The following AKAP6 variants were observed in gnomAD, a reference collection of about 807,000 sequenced individuals.
AKAP6 encodes A-kinase anchoring protein 6.
In AKAP6, 58 loss-of-function variants were observed where a neutral mutation model predicts 188.5. That is an observed-to-expected ratio of 0.31 (90% CI 0.25 to 0.38). AKAP6 has a LOEUF of 0.38. Among genes scored for constraint, AKAP6 ranks in the 10% least tolerant of loss-of-function variants. AKAP6 has a pLI of 1.00. For synonymous variants in AKAP6, 989 were observed against 998.6 expected, an observed-to-expected ratio of 0.99 and a Z score of 0.18; for missense variants, 2,710 against 2,740.0, an observed-to-expected ratio of 0.99 and a Z score of 0.24.
intron 1 of AKAP6, among the ~76,000 whole-genome samples, chr14:32,414,110 C>G (rs751909779): frequency 5.9e-5 from 9 of 151,806 alleles, no homozygotes; most frequent in African/African-American, 1.9e-4. Flanking sequence ...AGCTTGAGGT[C>G]GAGTAAGCCT....
At position 32,360,484 on chromosome 14, in the gene AKAP6, G is replaced by A. The variant is rs117112777; in HGVS notation, c.-35+31076G>A. Among the ~76,000 whole-genome samples the A allele has an allele frequency of 3.3e-5, 5 of 152,190 alleles. No homozygotes were observed. In the East Asian group the frequency reaches 9.7e-4, roughly 29 times the overall value. ...ATTGTAGCATTCATCAATAGATCTT[G>A]CCTGTAGCAATCACCTGTTATATTG... is the stretch of plus-strand genomic sequence containing the variant. On this transcript the variant is annotated intron_variant, in intron 1 of 13. Transcript: ENST00000280979.
chr14:32,754,911 A>G (rs890336951), intron 11 of AKAP6, among the ~76,000 whole-genome samples: 14 of 152,250 alleles, frequency 9.2e-5, no homozygotes, highest in South Asian at 2.1e-4. Context: ...TGCTTTTCTC[A>G]TGCTGCTTTC....
At chr14:32,628,253 G>T (rs1021742891) in intron 7 of AKAP6, among the ~76,000 whole-genome samples, 3 of 152,092 alleles carry the variant, frequency 2.0e-5, no homozygotes, top group Non-Finnish European at 4.4e-5. Flanking sequence ...GGGTATTAAA[G>T]CTATTAAGAA....
intron 5 of AKAP6, among the ~76,000 whole-genome samples, chr14:32,586,173 A>G (rs370507689): frequency 2.6e-5 from 4 of 152,292 alleles, no homozygotes; most frequent in East Asian, 3.9e-4. Context: ...GCAAGCTTTT[A>G]TCAGTTTTAT....
intron 7 of AKAP6, among the ~76,000 whole-genome samples, chr14:32,642,066 T>A (rs1000958990): frequency 6.6e-6 from 1 of 152,200 alleles, no homozygotes; most frequent in African/African-American, 2.4e-5. Context: ...TCAGGGAAGC[T>A]ATTCCACAAG....
chr14:32,802,045 T>G (rs2033965101), intron 12 of AKAP6, among the ~76,000 whole-genome samples: 1 of 152,216 alleles, frequency 6.6e-6, no homozygotes, highest in African/African-American at 2.4e-5. Context: ...TGAAATACTC[T>G]CAACCATTTC....
intron 9 of AKAP6, among the ~76,000 whole-genome samples, chr14:32,713,945 C>G (rs2030037699): frequency 6.6e-6 from 1 of 152,038 alleles, no homozygotes; most frequent in African/African-American, 2.4e-5. Flanking sequence ...CAGACTATCT[C>G]AGCTTTTTAC....
At chr14:32,762,422 ACACTGAGCTTGACTGGC>A (rs1423115345) in intron 11 of AKAP6, among the ~76,000 whole-genome samples, 3 of 152,286 alleles carry the variant, frequency 2.0e-5, no homozygotes, top group South Asian at 2.1e-4. Context: ...TATGAACTAA[ACACTGAGCTTGACTGGC>A]CACTGAGCTT....
chr14:32,387,653 T>A (rs1268575270), intron 1 of AKAP6, among the ~76,000 whole-genome samples: 1 of 151,748 alleles, frequency 6.6e-6, no homozygotes, highest in Non-Finnish European at 1.5e-5. Flanking sequence ...ATTTATTGAC[T>A]TGCATATGTT....
At chr14:32,696,239 C>A in intron 9 of AKAP6, 129 bp downstream of exon 9, 2 of 1,225,484 alleles carry the variant, frequency 1.6e-6, no homozygotes, top group Non-Finnish European at 1.1e-6. Flanking sequence ...ATTCCCTTCC[C>A]TGTCCCCAAA....
At chr14:32,711,895 G>T (rs1033477075) in intron 9 of AKAP6, among the ~76,000 whole-genome samples, 1 of 151,912 alleles carries the variant, frequency 6.6e-6, no homozygotes, top group Non-Finnish European at 1.5e-5. Flanking sequence ...TGTAAAGTGA[G>T]GGGGGTGGAC....
At chr14:32,511,370 TG>T (rs1286053851) in intron 2 of AKAP6, among the ~76,000 whole-genome samples, 5 of 123,584 alleles carry the variant, frequency 4.0e-5, no homozygotes, top group South Asian at 2.3e-4. Context: ...GCTACCTTCT[TG>T]GTTTTTTTTT....
Position 32,833,235 on chromosome 14 carries a change from G to A in AKAP6, c.*3430G>A, listed in dbSNP as rs1479435045. ...GCTACCTATGTGAGGCACTATATTT[G>A]GCATTAGGTATATAAAGGCAACTAA... On this transcript the variant is annotated 3_prime_UTR_variant, in exon 14 of 14. Transcript: ENST00000280979. 1 of 152,066 alleles carries A rather than the reference G, an allele frequency of 6.6e-6. No homozygotes were observed. The highest frequency in any genetic ancestry group is 6.5e-5 in the Admixed American group (1 of 15,278). 9.4% of individuals were successfully genotyped at this position (152,066 alleles called of 1,614,324 possible). A position where few individuals can be genotyped will look rare whatever the true frequency, so the allele number is the denominator to read the frequency against.
chr14:32,675,017 T>C (rs1159509511), intron 7 of AKAP6, among the ~76,000 whole-genome samples: 1 of 152,130 alleles, frequency 6.6e-6, no homozygotes, highest in Admixed American at 6.6e-5. Context: ...TGATCTTTTT[T>C]CTCTTCTCAT....
intron 2 of AKAP6, among the ~76,000 whole-genome samples, chr14:32,434,437 G>C (rs1204305341): frequency 6.6e-6 from 1 of 152,206 alleles, no homozygotes; most frequent in Admixed American, 6.5e-5. Flanking sequence ...TGCTAGTAAA[G>C]AGTACTACTA....
At chr14:32,816,416 A>G (rs1376797177) in intron 12 of AKAP6, among the ~76,000 whole-genome samples, 1 of 152,070 alleles carries the variant, frequency 6.6e-6, no homozygotes, top group Non-Finnish European at 1.5e-5. Context: ...GGCTGGTCTC[A>G]AACTCCTGGG....
In AKAP6 at chr14:32,822,709, A is replaced by G. The variant is rs373458154; in HGVS notation, c.4896A>G (p.Thr1632=). 2 of 1,614,002 alleles carry G rather than the reference A, an allele frequency of 1.2e-6. No homozygotes were observed. The highest frequency in any genetic ancestry group is 1.3e-5 in the African/African-American group (1 of 75,040). The change falls in exon 13 of 14, where the codon ACA becomes ACG. Residue 1632 remains threonine, a synonymous_variant. Transcript: ENST00000280979. ...CAGTTGGTGAACTAAGTAAAAGAAC[A>G]TTAGATCTCCTGAATCGTTTGGAGA... is the stretch of plus-strand genomic sequence containing the variant. The part of the protein sequence containing the change: ...SGSVGELSKR[T]LDLLNRLENI...
rs146309705 is a variant in AKAP6 at position 32,591,297 on chromosome 14, G to A, written c.2470-8113G>A. Among the ~76,000 whole-genome samples, 17 of 152,280 alleles carry A rather than the reference G, an allele frequency of 1.1e-4. No homozygotes were observed. The East Asian group carries it at 2.5e-3, about 22-fold the overall frequency. On this transcript the variant is annotated intron_variant, in intron 5 of 13. Coordinates refer to ENST00000280979, the MANE Select transcript of AKAP6 (RefSeq NM_004274.5). ...AATGTGGCCATGCTGGGAAGTGAAT[G>A]TGATTACCTGTGTCAGGTGTGGAGA...
intron 12 of AKAP6, among the ~76,000 whole-genome samples, chr14:32,807,981 C>T (rs910462295): frequency 2.0e-5 from 3 of 152,200 alleles, no homozygotes; most frequent in African/African-American, 2.4e-5. Context: ...CCAAAATAAC[C>T]GCATTTCAAG....
Sources: gnomAD v4.1 joint callset for allele counts (sites outside exome capture counted in the v4.1 genomes callset) on GRCh38, gnomAD v4.1.1 for gene constraint, MANE v1.5 for transcripts, NCBI Gene and HGNC (gene_info 2026-07-23, HGNC 2026-07-21) for gene names.